Variants in KCNIP1 observed in about 807,000 individuals in gnomAD.
KCNIP1 encodes potassium voltage-gated channel interacting protein 1, also known as A-type potassium channel modulatory protein KCNIP1.
KCNIP1 carries 18 observed loss-of-function variants against 33.0 expected under a neutral mutation model. The ratio of observed to expected loss-of-function variants is 0.55; its 90% confidence interval spans 0.38 to 0.81. The LOEUF (loss-of-function observed/expected upper bound fraction) is 0.81. Ranked by LOEUF, KCNIP1 falls within the 30% of genes least tolerant of loss-of-function variation. KCNIP1 has a pLI of 0.00. For synonymous variants in KCNIP1, 93 were observed against 98.3 expected (o/e 0.95, Z 0.32); for missense variants, 238 against 271.6 (o/e 0.88, Z 0.87).
intron 1 of KCNIP1, among the ~76,000 whole-genome samples, chr5:170,462,276 A>AC (rs4041736): frequency 7.6e-6 from 1 of 131,436 alleles, no homozygotes; most frequent in East Asian, 3.6e-4. Context: ...AAAAAAAAAA[A>AC]AAAAAAAAAC....
At chr5:170,428,402 C>A (rs55971067) in intron 1 of KCNIP1, among the ~76,000 whole-genome samples, 224 of 149,930 alleles carry the variant, frequency 1.5e-3, no homozygotes, top group Non-Finnish European at 2.6e-3. Flanking sequence ...TGCTTTGGAG[C>A]TAGATTTGGG....
chr5:170,554,888 C>T (rs1470722462), intron 1 of KCNIP1, among the ~76,000 whole-genome samples: 3 of 152,124 alleles, frequency 2.0e-5, no homozygotes, highest in Non-Finnish European at 4.4e-5. Context: ...CATCCTGGCT[C>T]CATTTAGGGT....
intron 7 of KCNIP1, among the ~76,000 whole-genome samples, chr5:170,735,195 G>C (rs1482685179): frequency 6.6e-6 from 1 of 151,980 alleles, no homozygotes; most frequent in African/African-American, 2.4e-5. Flanking sequence ...TTTTCTTACT[G>C]TATGTCTCTA....
intron 1 of KCNIP1, among the ~76,000 whole-genome samples, chr5:170,468,506 CAAAG>C (rs1427171792): frequency 1.3e-5 from 2 of 152,070 alleles, no homozygotes; most frequent in Non-Finnish European, 2.9e-5. Flanking sequence ...TTTTGAAAAA[CAAAG>C]AAACCTTTCA....
intron 1 of KCNIP1, among the ~76,000 whole-genome samples, chr5:170,610,465 A>G (rs1195138937): frequency 6.6e-6 from 1 of 152,228 alleles, no homozygotes; most frequent in Non-Finnish European, 1.5e-5. Context: ...GACACACAGC[A>G]TGATGGGCTG....
chr5:170,572,070 G>C (rs1385205834), intron 1 of KCNIP1, among the ~76,000 whole-genome samples: 2 of 152,048 alleles, frequency 1.3e-5, no homozygotes, highest in Non-Finnish European at 2.9e-5. Flanking sequence ...TGGGGGCTGG[G>C]GTGAATGGAG....
chr5:170,429,435 C>T (rs17672572), intron 1 of KCNIP1, among the ~76,000 whole-genome samples: 7,464 of 152,100 alleles, frequency 0.049, 286 homozygotes, highest in Admixed American at 0.095. Context: ...AACTGAAATG[C>T]TTTTTATTCC....
intron 1 of KCNIP1, among the ~76,000 whole-genome samples, chr5:170,707,808 T>C (rs899972172): frequency 6.6e-5 from 10 of 152,158 alleles, no homozygotes; most frequent in South Asian, 2.1e-4. Context: ...TGGACTCCCT[T>C]TTTCAGGACA....
chr5:170,645,362 T>A (rs971262381), intron 1 of KCNIP1, among the ~76,000 whole-genome samples: 1 of 152,212 alleles, frequency 6.6e-6, no homozygotes, highest in African/African-American at 2.4e-5. Context: ...TAAGGAACAT[T>A]GTTAGGGATA....
chr5:170,482,750 A>C (rs1757003065), intron 1 of KCNIP1, among the ~76,000 whole-genome samples: 1 of 152,184 alleles, frequency 6.6e-6, no homozygotes, highest in South Asian at 2.1e-4. Flanking sequence ...TCCAAGGCCA[A>C]GCCTGTCTGA....
At chr5:170,491,299 T>C (rs747312122) in intron 1 of KCNIP1, among the ~76,000 whole-genome samples, 2 of 152,228 alleles carry the variant, frequency 1.3e-5, no homozygotes, top group Non-Finnish European at 2.9e-5. Flanking sequence ...AATGAATGAA[T>C]GCACCACACA....
At chr5:170,580,642 A>G (rs1757755457) in intron 1 of KCNIP1, among the ~76,000 whole-genome samples, 1 of 152,198 alleles carries the variant, frequency 6.6e-6, no homozygotes, top group East Asian at 1.9e-4. Flanking sequence ...TCAGAACTAT[A>G]TAACATAAGG....
At chr5:170,469,589 T>C (rs1756678668) in intron 1 of KCNIP1, among the ~76,000 whole-genome samples, 1 of 152,218 alleles carries the variant, frequency 6.6e-6, no homozygotes, top group Admixed American at 6.5e-5. Context: ...CCCCAGCTAC[T>C]GACTGTACCA....
chr5:170,677,774 A>C (rs539749065), intron 1 of KCNIP1, among the ~76,000 whole-genome samples: 1 of 152,230 alleles, frequency 6.6e-6, no homozygotes, highest in Non-Finnish European at 1.5e-5. Flanking sequence ...ACCTAGAGAA[A>C]CCTTTTCACA....
intron 1 of KCNIP1, among the ~76,000 whole-genome samples, chr5:170,417,538 C>T (rs1174687397): frequency 1.3e-5 from 2 of 152,180 alleles, no homozygotes; most frequent in African/African-American, 4.8e-5. Context: ...GTCCCTTCTG[C>T]GTGAGGCCAC....
At chr5:170,525,097 A>G (rs1366772674) in intron 1 of KCNIP1, among the ~76,000 whole-genome samples, 1 of 152,174 alleles carries the variant, frequency 6.6e-6, no homozygotes, top group African/African-American at 2.4e-5. Flanking sequence ...GATGCACCCC[A>G]TTTACTGGGT....
chr5:170,504,119 C>G lies in KCNIP1; in HGVS notation c.-454C>G. On this transcript the variant is annotated 5_prime_UTR_variant, in exon 1 of 8. Coordinates refer to ENST00000328939, the MANE Select transcript of KCNIP1 (RefSeq NM_014592.4). The surrounding 1 kb of genome is among the most constrained non-coding windows in gnomAD (Gnocchi z 6.0). ...GGGCTCTGTTCATTCATGATTGGTACTCGGCCCTCCGAGACCCAGCCCGAG... is the reference window on the plus strand; with the variant it reads ...GGGCTCTGTTCATTCATGATTGGTAGTCGGCCCTCCGAGACCCAGCCCGAG... The G allele has an allele frequency of 1.0e-6, 1 of 990,016 alleles. No individual in the cohort carries two copies. The highest frequency in any genetic ancestry group is 1.7e-5 in the African/African-American group (1 of 57,472). 61.3% of individuals were successfully genotyped at this position (990,016 alleles called of 1,614,324 possible).
intron 1 of KCNIP1, among the ~76,000 whole-genome samples, chr5:170,394,712 T>C (rs1321955939): frequency 6.6e-6 from 1 of 152,190 alleles, no homozygotes; most frequent in Non-Finnish European, 1.5e-5. Context: ...AGAGTGAACA[T>C]AGTACCCAAA....
chr5:170,684,086 T>C (rs1472165670), intron 1 of KCNIP1, among the ~76,000 whole-genome samples: 1 of 152,168 alleles, frequency 6.6e-6, no homozygotes, highest in East Asian at 1.9e-4. Flanking sequence ...TAGAACAGTA[T>C]ACAGATATTG....
Sources: allele counts gnomAD v4.1 joint callset (sites outside exome capture counted in the v4.1 genomes callset), GRCh38; gene constraint gnomAD v4.1.1; non-coding constraint Gnocchi (gnomAD v3.1); transcripts MANE v1.5; gene names NCBI Gene and HGNC (gene_info 2026-07-23, HGNC 2026-07-21).